Variants in TGFBR2 observed in about 807,000 individuals in gnomAD.
The protein encoded by TGFBR2 is transforming growth factor beta receptor 2.
In TGFBR2, 18 loss-of-function variants were observed where a neutral mutation model predicts 49.0. The observed-to-expected ratio is 0.37, with a 90% CI of 0.25 to 0.54. The LOEUF is 0.54. TGFBR2 is among the 20% of genes least tolerant of loss of function. The pLI is 0.85. For synonymous variants in TGFBR2, 282 were observed against 275.9 expected (o/e 1.02, Z -0.22); for missense variants, 525 against 722.6 (o/e 0.73, Z 3.13).
intron 1 of TGFBR2, among the ~76,000 whole-genome samples, chr3:30,642,083 CATT>C (rs1698657787): frequency 6.6e-6 from 1 of 152,182 alleles, no homozygotes; most frequent in Non-Finnish European, 1.5e-5. Flanking sequence ...CATCTGTTTT[CATT>C]TCTGTCTTAT....
At chr3:30,619,333 C>T (rs1393840063) in intron 1 of TGFBR2, among the ~76,000 whole-genome samples, 1 of 152,216 alleles carries the variant, frequency 6.6e-6, no homozygotes, top group Non-Finnish European at 1.5e-5. Context: ...CTGTCAATAA[C>T]ACAGGCATTG....
intron 4 of TGFBR2, 89 bp from the exon 5 acceptor site, chr3:30,674,016 A>G (rs1699387611): frequency 1.3e-6 from 2 of 1,515,110 alleles, no homozygotes; most frequent in Non-Finnish European, 1.8e-6. Flanking sequence ...AATCCTCTGC[A>G]CGTGTCAGGG....
At chr3:30,629,778 T>G (rs1359730102) in intron 1 of TGFBR2, among the ~76,000 whole-genome samples, 1 of 152,176 alleles carries the variant, frequency 6.6e-6, no homozygotes, top group East Asian at 1.9e-4. Flanking sequence ...TCTATCAACA[T>G]GTCAGCAGAT....
intron 3 of TGFBR2, among the ~76,000 whole-genome samples, chr3:30,669,610 T>C (rs1699304606): frequency 6.6e-6 from 1 of 152,168 alleles, no homozygotes; most frequent in Non-Finnish European, 1.5e-5. Flanking sequence ...CTAATCTTAT[T>C]ATGCAAATGG....
At chr3:30,664,166 T>C (rs1211608422) in intron 3 of TGFBR2, among the ~76,000 whole-genome samples, 1 of 144,518 alleles carries the variant, frequency 6.9e-6, no homozygotes, top group African/African-American at 2.6e-5. Context: ...TTTTTTTTTA[T>C]ACAGACAGGG....
At chr3:30,633,165 C>G (rs536321813) in intron 1 of TGFBR2, among the ~76,000 whole-genome samples, 7 of 152,170 alleles carry the variant, frequency 4.6e-5, no homozygotes, top group Admixed American at 1.3e-4. Context: ...TTTGCTTTCT[C>G]TCATTGATAT....
chr3:30,608,609 A>C (rs1697978505), intron 1 of TGFBR2, among the ~76,000 whole-genome samples: 1 of 152,138 alleles, frequency 6.6e-6, no homozygotes, highest in Non-Finnish European at 1.5e-5. Flanking sequence ...TAAATTTTAG[A>C]GTGTTTGAAG....
In TGFBR2 at chr3:30,693,132, G is replaced by A. The variant is rs952747946; in HGVS notation, c.*1533G>A. 2.1e-5 allele frequency: 5 copies of A among 233,202 alleles called. No homozygotes were observed. The highest frequency in any genetic ancestry group is 1.1e-4 in the African/African-American group (5 of 45,346). The allele number at this position is 233,202 out of a possible 1,614,324, so 14.4% of individuals were successfully genotyped here. A position where few individuals can be genotyped will look rare whatever the true frequency, so the allele number is the denominator to read the frequency against. Reference sequence around the variant, plus strand: ...TTGGACTAAAGGGGAACTCCTTTAAGGGTCTCAGTTAGCCCAAGTTTCTTT... The same window carrying A: ...TTGGACTAAAGGGGAACTCCTTTAAAGGTCTCAGTTAGCCCAAGTTTCTTT... On this transcript the variant is annotated 3_prime_UTR_variant, in exon 7 of 7. Transcript: ENST00000295754.
chr3:30,651,035 G>A (rs750274812), intron 3 of TGFBR2, among the ~76,000 whole-genome samples: 12 of 152,208 alleles, frequency 7.9e-5, no homozygotes, highest in Non-Finnish European at 1.2e-4. Context: ...GAAATAATAA[G>A]CCAAAGTTTA....
intron 3 of TGFBR2, among the ~76,000 whole-genome samples, chr3:30,670,341 G>GTA (rs921493541): frequency 6.6e-6 from 1 of 152,106 alleles, no homozygotes; most frequent in Non-Finnish European, 1.5e-5. Flanking sequence ...TTGCTTACTT[G>GTA]TATATATGCC....
rs757452663 is a variant in TGFBR2 at position 30,636,151 on chromosome 3, A to ATGTG, written c.95-8593_95-8592insGTGT. ...AGGTAGTTTCAGTGTGAAAATATAT[A>ATGTG]TGTATGTGTGTGTGTGTGTGTGTGT... is the stretch of plus-strand genomic sequence containing the variant. On this transcript the variant is annotated intron_variant, in intron 1 of 6. Transcript: ENST00000295754. Among the ~76,000 whole-genome samples, 39 of 106,860 alleles carry ATGTG rather than the reference A, an allele frequency of 3.6e-4. No individual in the cohort carries two copies. In the East Asian group the frequency reaches 6.2e-3, roughly 17 times the overall value. 70.1% of individuals were successfully genotyped at this position (106,860 alleles called of 152,430 possible).
At chr3:30,678,133 C>T (rs1183626577) in intron 5 of TGFBR2, among the ~76,000 whole-genome samples, 2 of 152,176 alleles carry the variant, frequency 1.3e-5, no homozygotes, top group African/African-American at 2.4e-5. Flanking sequence ...GTCATCTTCT[C>T]TGTAGGCTCT....
chr3:30,644,694 G>A (rs542593035), intron 1 of TGFBR2, 53 bp from the exon 2 acceptor site: 3 of 1,556,496 alleles, frequency 1.9e-6, no homozygotes, highest in Non-Finnish European at 1.8e-6. Context: ...GAATTCATTG[G>A]CAGGCTGCCT....
chr3:30,692,777 C>T lies in TGFBR2; in HGVS notation c.*1178C>T. 2 of 233,156 alleles carry T rather than the reference C, an allele frequency of 8.6e-6. No homozygotes were observed. The highest frequency in any genetic ancestry group is 3.6e-4 in the South Asian group (2 of 5,530). The allele number at this position is 233,156 out of a possible 1,614,324, so 14.4% of individuals were successfully genotyped here. A position where few individuals can be genotyped will look rare whatever the true frequency, so the allele number is the denominator to read the frequency against. ...CTAAACATATGTTTTGTTTGGTCAG[C>T]ACAGCGTTTCAAAAAGTGAAGCCAC... is the stretch of plus-strand genomic sequence containing the variant. On this transcript the variant is annotated 3_prime_UTR_variant, in exon 7 of 7. Coordinates refer to ENST00000295754, the MANE Select transcript of TGFBR2 (RefSeq NM_003242.6).
chr3:30,619,727 C>T (rs911690784), intron 1 of TGFBR2, among the ~76,000 whole-genome samples: 15 of 152,166 alleles, frequency 9.9e-5, no homozygotes, highest in Admixed American at 3.3e-4. Flanking sequence ...ACGGCTCCAC[C>T]CTTTGAAATA....
At chr3:30,687,585 T>C (rs1186807932) in intron 5 of TGFBR2, among the ~76,000 whole-genome samples, 4 of 152,182 alleles carry the variant, frequency 2.6e-5, no homozygotes, top group African/African-American at 4.8e-5. Context: ...AAAATAGGCA[T>C]AATATAAAAT....
intron 5 of TGFBR2, among the ~76,000 whole-genome samples, chr3:30,675,927 G>A (rs1376334004): frequency 6.6e-6 from 1 of 152,100 alleles, no homozygotes; most frequent in African/African-American, 2.4e-5. Context: ...ATCCAGTCTA[G>A]GATCCCGCAT....
At chr3:30,627,781 C>A (rs938442822) in intron 1 of TGFBR2, among the ~76,000 whole-genome samples, 1 of 151,922 alleles carries the variant, frequency 6.6e-6, no homozygotes, top group Non-Finnish European at 1.5e-5. Flanking sequence ...AAATAAGGAA[C>A]TGAATTTCAA....
chr3:30,688,556 T>C, intron 6 of TGFBR2, 45 bp downstream of exon 6: 1 of 1,613,126 alleles, frequency 6.2e-7, no homozygotes, highest in Non-Finnish European at 8.5e-7. Flanking sequence ...TCAACCAAGT[T>C]GCCTCTTAGG....
Sources: gnomAD v4.1 joint callset for allele counts (sites outside exome capture counted in the v4.1 genomes callset) on GRCh38, gnomAD v4.1.1 for gene constraint, MANE v1.5 for transcripts, NCBI Gene and HGNC (gene_info 2026-07-23, HGNC 2026-07-21) for gene names.